MYDGF: variants seen among roughly 807,000 people sequenced by gnomAD.
The protein encoded by MYDGF is myeloid-derived growth factor.
In MYDGF, 29 loss-of-function variants were observed where a neutral mutation model predicts 24.2. The observed-to-expected ratio is 1.20, with a 90% confidence interval of 0.89 to 1.63. The LOEUF is 1.63. Among genes scored for constraint, MYDGF ranks in the 40% most tolerant of loss-of-function variants. The pLI is 0.00. For missense variants in MYDGF, 245 were observed against 234.8 expected (o/e 1.04, Z -0.29); for synonymous variants, 105 against 102.5 (o/e 1.02, Z -0.15).
At chr19:4,667,525 G>A (rs1441761875) in intron 2 of MYDGF, among the ~76,000 whole-genome samples, 6 of 152,064 alleles carry the variant, frequency 3.9e-5, no homozygotes, top group Admixed American at 3.9e-4. Flanking sequence ...GCCAGCCTTG[G>A]CCTCCCAAAG....
At chr19:4,669,293 G>A (rs2088544777) in intron 1 of MYDGF, among the ~76,000 whole-genome samples, 1 of 152,202 alleles carries the variant, frequency 6.6e-6, no homozygotes, top group Non-Finnish European at 1.5e-5. Context: ...GGCTAACATG[G>A]TGAAATCCCA....
At chr19:4,668,763 C>G in intron 1 of MYDGF, 118 bp from the exon 2 acceptor site, 1 of 769,008 alleles carries the variant, frequency 1.3e-6, no homozygotes, top group Non-Finnish European at 2.2e-6. Context: ...CTCACTGCAG[C>G]CTCGAACTCC....
intron 2 of MYDGF, among the ~76,000 whole-genome samples, chr19:4,667,870 T>A (rs2088533239): frequency 6.6e-6 from 1 of 152,054 alleles, no homozygotes; most frequent in Admixed American, 6.6e-5. Flanking sequence ...GCTAATTTTT[T>A]TATTTTCTGT....
At chr19:4,663,005 C>A (rs1000135535) in intron 3 of MYDGF, among the ~76,000 whole-genome samples, 6 of 151,796 alleles carry the variant, frequency 4.0e-5, no homozygotes, top group Admixed American at 3.9e-4. Context: ...TTTACACAGC[C>A]TCCAGTCTGT....
rs767480723 is a variant in MYDGF, at chr19:4,660,690, C to A, written c.348G>T (p.Glu116Asp). The change falls in exon 4 of 6, where the codon GAG becomes GAT. Residue 116 changes from glutamate to aspartate, a missense_variant. Transcript: ENST00000262947. ...TQFKAEVRGA[E>D]IEYAMAYSKA... The stretch of plus-strand genomic sequence containing the variant: ...TCACGTAGGCCATGGCGTACTCAAT[C>A]TCAGCGCCCCGCACCTCTGCCTTGA... 6.2e-7 allele frequency: 1 copy of A among 1,614,142 alleles called. No homozygotes were observed. The highest frequency in any genetic ancestry group is 8.5e-7 in the Non-Finnish European group (1 of 1,180,018).
chr19:4,665,234 T>A (rs2088511562), intron 2 of MYDGF, among the ~76,000 whole-genome samples: 1 of 152,052 alleles, frequency 6.6e-6, no homozygotes. Flanking sequence ...TTTGTTTGTT[T>A]GTTTTTGAGA....
At chr19:4,667,267 T>G (rs1011834862) in intron 2 of MYDGF, among the ~76,000 whole-genome samples, 9 of 151,810 alleles carry the variant, frequency 5.9e-5, no homozygotes, top group Admixed American at 5.9e-4. Context: ...TAGCTGGGAC[T>G]ACAGGTGCCC....
chr19:4,663,607 C>T (rs866271295), intron 3 of MYDGF, among the ~76,000 whole-genome samples: 740 of 57,578 alleles, frequency 0.013, 146 homozygotes, highest in Non-Finnish European at 0.027. Flanking sequence ...CCCACCCACC[C>T]CATCCTCATT....
At chr19:4,663,070 C>T (rs1397462817) in intron 3 of MYDGF, among the ~76,000 whole-genome samples, 1 of 149,776 alleles carries the variant, frequency 6.7e-6, no homozygotes, top group African/African-American at 2.5e-5. Flanking sequence ...CTCTCCCCAC[C>T]CCACTCCATC....
intron 5 of MYDGF, 130 bp from the exon 6 acceptor site, chr19:4,658,214 GA>G (rs1320076907): frequency 1.2e-5 from 8 of 685,992 alleles, no homozygotes; most frequent in Non-Finnish European, 1.9e-5. Context: ...ACTCCCATGT[GA>G]AAAGGCCCCA....
chr19:4,661,177 GCCTGGCCTGAACC>G (rs1334123281), intron 3 of MYDGF, among the ~76,000 whole-genome samples: 2 of 152,082 alleles, frequency 1.3e-5, no homozygotes, highest in African/African-American at 4.8e-5. Context: ...ATGTTGGCCA[GCCTGGCCTGAACC>G]CCTGACCTCA....
At chr19:4,659,174 C>T (rs1461249739) in intron 5 of MYDGF, among the ~76,000 whole-genome samples, 1 of 152,050 alleles carries the variant, frequency 6.6e-6, no homozygotes, top group Non-Finnish European at 1.5e-5. Flanking sequence ...CTCCTGGGCT[C>T]AAATAATCCT....
rs531184250 is a variant in MYDGF, at chr19:4,658,893, C to T, written c.443-809G>A. On this transcript the variant is annotated intron_variant, in intron 5 of 5. Transcript: ENST00000262947. Reference sequence around the variant, plus strand: ...TCTCGACTCACTGCAACCTCCTGCTCCTAAGTTCAAGAGATTCTCCTGTCT... The same window carrying T: ...TCTCGACTCACTGCAACCTCCTGCTTCTAAGTTCAAGAGATTCTCCTGTCT... Among the ~76,000 whole-genome samples the T allele has an allele frequency of 1.6e-4, 25 of 151,920 alleles. No homozygotes were observed. The East Asian group carries it at 4.6e-3, about 28-fold the overall frequency.
At chr19:4,658,296 T>C (rs2088439303) in intron 5 of MYDGF, among the ~76,000 whole-genome samples, 2 of 151,974 alleles carry the variant, frequency 1.3e-5, no homozygotes, top group African/African-American at 4.8e-5. Context: ...GGGGCTAACA[T>C]AGATGGCAGG....
chr19:4,661,407 C>T (rs970332237), intron 3 of MYDGF, among the ~76,000 whole-genome samples: 1 of 152,128 alleles, frequency 6.6e-6, no homozygotes, highest in East Asian at 1.9e-4. Context: ...GGTACTACGA[C>T]GGGGGCTGGG....
In MYDGF at chr19:4,670,315, C is replaced by A. The variant is rs1005715585; in HGVS notation, c.20G>T (p.Gly7Val). 1.4e-6 allele frequency: 2 copies of A among 1,474,568 alleles called. No individual in the cohort carries two copies. Among genetic ancestry groups the A allele is most frequent in the Non-Finnish European group, 1.8e-6 (2 of 1,111,920 alleles). The allele number at this position is 1,474,568 out of a possible 1,614,324, so 91.3% of individuals were successfully genotyped here. Residue 7 changes from glycine (G) to valine (V), a missense_variant, in exon 1 of 6, where the codon GGG becomes GTG. Coordinates refer to ENST00000262947, the MANE Select transcript of MYDGF (RefSeq NM_019107.4). MAAPSG[G>V]WNGVGASLWA... Reference sequence around the variant, plus strand: ...CAAGCTCGCGCCGACGCCGTTCCACCCTCCGCTGGGCGCCGCCATGTTGGA... The same window carrying A: ...CAAGCTCGCGCCGACGCCGTTCCACACTCCGCTGGGCGCCGCCATGTTGGA...
chr19:4,666,016 C>A (rs957306246), intron 2 of MYDGF, among the ~76,000 whole-genome samples: 3 of 150,636 alleles, frequency 2.0e-5, no homozygotes, highest in Non-Finnish European at 4.4e-5. Context: ...GCAACAGGTA[C>A]AAGCAAAATG....
At position 4,664,805 on chromosome 19, in the gene MYDGF, C is replaced by T. The variant is rs1472226846; in HGVS notation, c.287+71G>A. On this transcript the variant is annotated intron_variant, in intron 3 of 5. Transcript: ENST00000262947. ...GGGTGCAGCCCTCGTTCCCTGCCTTCCAAAGCAGCTCCTGAGGCCACAGGG... is the reference window on the plus strand; with the variant it reads ...GGGTGCAGCCCTCGTTCCCTGCCTTTCAAAGCAGCTCCTGAGGCCACAGGG... 4 of 1,550,892 alleles carry T rather than the reference C, an allele frequency of 2.6e-6. No individual in the cohort carries two copies. In the African/African-American group the frequency reaches 5.5e-5, roughly 21 times the overall value.
chr19:4,663,834 TC>T (rs2088500147), intron 3 of MYDGF, among the ~76,000 whole-genome samples: 1 of 83,464 alleles, frequency 1.2e-5, no homozygotes, highest in African/African-American at 4.9e-5. Context: ...CACCCCATCC[TC>T]ATTCTGCACA....
Sources: gnomAD v4.1 joint callset for allele counts (sites outside exome capture counted in the v4.1 genomes callset) on GRCh38, gnomAD v4.1.1 for gene constraint, MANE v1.5 for transcripts, NCBI Gene and HGNC (gene_info 2026-07-23, HGNC 2026-07-21) for gene names.